The following EIF3D variants were observed in gnomAD, a reference collection of about 807,000 sequenced individuals.
EIF3D encodes the protein eIF3 p66.
A neutral mutation model predicts 75.4 loss-of-function variants in EIF3D; 10 were observed. The ratio of observed to expected loss-of-function variants is 0.13; its 90% CI spans 0.08 to 0.22. The LOEUF is 0.22. EIF3D is among the 10% of genes least tolerant of loss of function. EIF3D has a pLI of 1.00. For missense variants in EIF3D, 394 were observed against 708.0 expected (o/e 0.56, Z 5.03); for synonymous variants, 246 against 248.3 (o/e 0.99, Z 0.09).
At chr22:36,524,478 C>T (rs7364182) in intron 4 of EIF3D, 118 bp downstream of exon 4, 99,510 of 1,448,882 alleles carry the variant, frequency 0.069, 3,826 homozygotes, top group African/African-American at 0.14. Context: ...CCGAGATTCA[C>T]GAAAAGACCT....
At chr22:36,526,472 A>T (rs894987778) in intron 1 of EIF3D, among the ~76,000 whole-genome samples, 2 of 152,194 alleles carry the variant, frequency 1.3e-5, no homozygotes, top group African/African-American at 4.8e-5. Context: ...ATAAGTGTTT[A>T]AAAAAATTTA....
chr22:36,518,160 T>C (rs1230338517), intron 9 of EIF3D, among the ~76,000 whole-genome samples: 1 of 152,108 alleles, frequency 6.6e-6, no homozygotes, highest in African/African-American at 2.4e-5. Context: ...GAACAAGGTA[T>C]GCAAGATGGC....
At chr22:36,524,336 T>A (rs1475903668) in intron 4 of EIF3D, among the ~76,000 whole-genome samples, 1 of 152,202 alleles carries the variant, frequency 6.6e-6, no homozygotes, top group Non-Finnish European at 1.5e-5. Context: ...TGCACCTTCT[T>A]ATCCAGCACA....
intron 1 of EIF3D, among the ~76,000 whole-genome samples, chr22:36,527,144 C>T (rs912343027): frequency 2.6e-5 from 4 of 152,198 alleles, no homozygotes; most frequent in African/African-American, 9.7e-5. Context: ...AAGGAGGTCC[C>T]CACAGACCTC....
intron 9 of EIF3D, among the ~76,000 whole-genome samples, chr22:36,517,658 C>T (rs1164752236): frequency 6.6e-6 from 1 of 152,276 alleles, no homozygotes; most frequent in South Asian, 2.1e-4. Flanking sequence ...CACACAGTAA[C>T]GAAGCTGTCC....
At chr22:36,523,463 T>C (rs1746057822) in intron 5 of EIF3D, among the ~76,000 whole-genome samples, 182 bp from the exon 6 acceptor site, 2 of 152,142 alleles carry the variant, frequency 1.3e-5, no homozygotes, top group South Asian at 4.1e-4. Flanking sequence ...TTAGAAAAGG[T>C]ACACTGCCTC....
Position 36,524,094 on chromosome 22 carries a change from A to T in EIF3D, c.307-114T>A. The T allele has an allele frequency of 8.7e-6, 9 of 1,036,608 alleles. No homozygotes were observed. In the Admixed American group the frequency reaches 9.0e-5, roughly 10 times the overall value. The allele number at this position is 1,036,608 out of a possible 1,614,324, so 64.2% of individuals were successfully genotyped here. ...TAGGATGCCAAATCCCAAGTTTCAC[A>T]TCTTACTCTGTGCTTTCACTCTACG... On this transcript the variant is annotated intron_variant, in intron 4 of 14. Coordinates refer to ENST00000216190, the MANE Select transcript of EIF3D (RefSeq NM_003753.4).
At chr22:36,517,823 C>T (rs927403191) in intron 9 of EIF3D, among the ~76,000 whole-genome samples, 1 of 152,096 alleles carries the variant, frequency 6.6e-6, no homozygotes, top group Non-Finnish European at 1.5e-5. Flanking sequence ...CCACGGCTCA[C>T]TGCAACCTCT....
At chr22:36,512,341 A>C (rs930762196) in intron 13 of EIF3D, 119 bp downstream of exon 13, 2 of 1,416,514 alleles carry the variant, frequency 1.4e-6, no homozygotes, top group Non-Finnish European at 1.9e-6. Context: ...TCTCTACCCC[A>C]CCCCTGGATT....
intron 13 of EIF3D, among the ~76,000 whole-genome samples, chr22:36,512,137 G>C (rs1934350029): frequency 6.6e-6 from 1 of 152,266 alleles, no homozygotes; most frequent in East Asian, 1.9e-4. Context: ...TGATCTGCCA[G>C]CCTGGGCCTC....
chr22:36,517,146 C>T (rs1279675662), intron 10 of EIF3D, among the ~76,000 whole-genome samples, 155 bp downstream of exon 10: 3 of 152,240 alleles, frequency 2.0e-5, no homozygotes, highest in African/African-American at 7.2e-5. Context: ...GAGAGCCTAA[C>T]ATCCAAGCCC....
At chr22:36,525,743 G>C in intron 2 of EIF3D, 34 bp from the exon 3 acceptor site, 1 of 1,600,446 alleles carries the variant, frequency 6.2e-7, no homozygotes, top group Non-Finnish European at 8.5e-7. Context: ...AGAATGCACA[G>C]GTCAACCAGG....
At chr22:36,523,435 C>T (rs1057429560) in intron 5 of EIF3D, among the ~76,000 whole-genome samples, 154 bp from the exon 6 acceptor site, 13 of 152,190 alleles carry the variant, frequency 8.5e-5, no homozygotes, top group African/African-American at 3.1e-4. Flanking sequence ...GAGACCCAGA[C>T]GGTGCATACT....
intron 6 of EIF3D, 66 bp from the exon 7 acceptor site, chr22:36,520,754 G>T: frequency 8.5e-7 from 1 of 1,182,228 alleles, no homozygotes; most frequent in Non-Finnish European, 1.2e-6. Context: ...TAAAAGACAG[G>T]CTAAAAATAT....
chr22:36,511,786 A>G lies in EIF3D; in HGVS notation c.1350T>C (p.Gly450=). The stretch of plus-strand genomic sequence containing the variant: ...CTTTCACGTGGTACCGAGACACATA[A>G]CTAACAGGGGAAGGGATATCAGTGG... ...LLAGSEYLKL[G]YVSRYHVKDS... Residue 450 remains glycine, a splice_region_variant and synonymous_variant, in exon 14 of 15, where the codon GGT becomes GGC. Coordinates refer to ENST00000216190, the MANE Select transcript of EIF3D (RefSeq NM_003753.4). The G allele has an allele frequency of 6.2e-7, 1 of 1,611,764 alleles. No homozygotes were observed. The highest frequency in any genetic ancestry group is 1.7e-5 in the Admixed American group (1 of 59,914).
intron 1 of EIF3D, among the ~76,000 whole-genome samples, chr22:36,527,730 T>C (rs1252949657): frequency 6.6e-6 from 1 of 152,070 alleles, no homozygotes. Context: ...TACCAGCTAC[T>C]CAGGAGGCGG....
chr22:36,515,464 G>A (rs1035379525), intron 12 of EIF3D, among the ~76,000 whole-genome samples: 3 of 152,156 alleles, frequency 2.0e-5, no homozygotes, highest in African/African-American at 7.2e-5. Flanking sequence ...GGAGGTAGAG[G>A]TTGCAGTGAG....
chr22:36,521,137 T>C (rs1374105790), intron 6 of EIF3D, among the ~76,000 whole-genome samples: 1 of 150,710 alleles, frequency 6.6e-6, no homozygotes, highest in East Asian at 2.0e-4. Context: ...GAGGCGGAGG[T>C]TGCAGTGAGC....
At chr22:36,516,392 G>A in intron 12 of EIF3D, 86 bp downstream of exon 12, 1 of 1,503,242 alleles carries the variant, frequency 6.7e-7, no homozygotes, top group Non-Finnish European at 9.0e-7. Flanking sequence ...ATAAGAAACA[G>A]TTTATACAAC....
Sources: allele counts gnomAD v4.1 joint callset (sites outside exome capture counted in the v4.1 genomes callset), GRCh38; gene constraint gnomAD v4.1.1; transcripts MANE v1.5; gene names NCBI Gene and HGNC (gene_info 2026-07-23, HGNC 2026-07-21).